Variants in PAXBP1 observed in about 807,000 individuals in gnomAD.
PAXBP1 encodes the protein PAX3 and PAX7 binding protein 1.
Under a neutral mutation model 119.9 loss-of-function variants are expected in PAXBP1, and 44 were observed. The observed-to-expected ratio is 0.37, with a 90% CI of 0.29 to 0.47. The LOEUF (loss-of-function observed/expected upper bound fraction) is 0.47. PAXBP1 is among the 20% of genes least tolerant of loss of function. The pLI, the probability that PAXBP1 is intolerant of heterozygous loss-of-function variation, is 0.99. For synonymous variants in PAXBP1, 393 were observed against 406.6 expected (o/e 0.97, Z 0.40); for missense variants, 898 against 1,134.1 (o/e 0.79, Z 2.99).
rs2044347917 is a variant in PAXBP1, at chr21:32,771,421, G to GCGCCGCCGGGGAAGC, written c.233_247dup (p.Gly78_Gly82dup). Reference sequence around the variant, plus strand: ...CGGCTTCAGCCCGTTGCCGGGCTCCGCGCCGCCGGGGAAGCCGCCCCCGGC... The same window carrying GCGCCGCCGGGGAAGC: ...CGGCTTCAGCCCGTTGCCGGGCTCCGCGCCGCCGGGGAAGCCGCCGCCGGGGAAGCCGCCCCCGGC... On this transcript the variant is annotated inframe_insertion, in exon 1 of 18. Transcript: ENST00000331923. The GCGCCGCCGGGGAAGC allele has an allele frequency of 1.3e-6, 2 of 1,539,598 alleles. No individual in the cohort carries two copies. The highest frequency in any genetic ancestry group is 1.4e-5 in the African/African-American group (1 of 70,072).
chr21:32,739,172 A>G (rs2043736373), intron 15 of PAXBP1, among the ~76,000 whole-genome samples: 1 of 152,252 alleles, frequency 6.6e-6, no homozygotes, highest in African/African-American at 2.4e-5. Flanking sequence ...CCCAAGAATG[A>G]TACATAGCTA....
chr21:32,744,904 T>C lies in PAXBP1; in HGVS notation c.2078A>G (p.Glu693Gly). Reference protein sequence around the residue: ...VILPKLTVIAENMWDPFSTTQ... With the variant: ...VILPKLTVIAGNMWDPFSTTQ... ...TGTAGAAAAAGGGTCCCACATATTT[T>C]CAGCTATCACTATTAAGAAAAAAAG... is the stretch of plus-strand genomic sequence containing the variant. Residue 693 changes from glutamate (E) to glycine (G), a missense_variant, in exon 13 of 18, where the codon GAA becomes GGA. Glu to Gly is a moderately conservative substitution (Grantham distance 98). Around this residue, in one of 2 missense-constraint regions of PAXBP1, gnomAD observed 599 missense variants for 852.7 expected, o/e 0.70. Coordinates refer to ENST00000331923, the MANE Select transcript of PAXBP1 (RefSeq NM_016631.4). 1 of 1,598,112 alleles carries C rather than the reference T, an allele frequency of 6.3e-7. No homozygotes were observed. Among genetic ancestry groups the C allele is most frequent in the South Asian group, 1.2e-5 (1 of 86,392 alleles).
chr21:32,749,180 G>T (rs1016814717), intron 10 of PAXBP1, among the ~76,000 whole-genome samples: 1 of 151,674 alleles, frequency 6.6e-6, no homozygotes, highest in East Asian at 1.9e-4. Flanking sequence ...TAAGTGAAAA[G>T]TTATTTGCGA....
chr21:32,743,244 G>A lies in PAXBP1; in HGVS notation c.2334+4C>T, dbSNP rs773136347. ...AGTCTTTTAGATAGTCTATGGACAC[G>A]TACCTTAACTGAAGACCAAAACTGT... On this transcript the variant is annotated splice_donor_region_variant and intron_variant, in intron 15 of 17. Transcript: ENST00000331923. 29 of 1,572,038 alleles carry A rather than the reference G, an allele frequency of 1.8e-5. No individual in the cohort carries two copies. Among genetic ancestry groups the A allele is most frequent in the African/African-American group, 2.8e-5 (2 of 72,448 alleles).
intron 15 of PAXBP1, chr21:32,743,029 C>T (rs767590123): frequency 1.2e-5 from 8 of 641,468 alleles, no homozygotes; most frequent in African/African-American, 3.6e-5. Flanking sequence ...TCGTTGAGTA[C>T]GATGGACCTT....
At chr21:32,770,482 ATAAAGAG>A (rs1455785707) in intron 1 of PAXBP1, among the ~76,000 whole-genome samples, 3 of 152,238 alleles carry the variant, frequency 2.0e-5, no homozygotes, top group Non-Finnish European at 4.4e-5. Context: ...CTCAAACCAA[ATAAAGAG>A]TAACAGAAAT....
chr21:32,748,804 C>A (rs923746493), intron 10 of PAXBP1, 106 bp from the exon 11 acceptor site: 5 of 945,460 alleles, frequency 5.3e-6, no homozygotes, highest in Admixed American at 3.0e-5. Context: ...TCAGAAGATA[C>A]GCTCATTAAC....
intron 13 of PAXBP1, among the ~76,000 whole-genome samples, chr21:32,744,267 A>G (rs1250302233): frequency 6.6e-6 from 1 of 151,612 alleles, no homozygotes; most frequent in African/African-American, 2.4e-5. Context: ...AGCTAAAAAA[A>G]AAAAAAAAAG....
chr21:32,748,443 A>G (rs2146484436), intron 11 of PAXBP1, 56 bp downstream of exon 11: 1 of 1,525,436 alleles, frequency 6.6e-7, no homozygotes, highest in Non-Finnish European at 8.9e-7. Flanking sequence ...CTTTGAGATT[A>G]AAATTACCCA....
chr21:32,738,061 G>T, intron 16 of PAXBP1, 112 bp downstream of exon 16: 1 of 1,098,674 alleles, frequency 9.1e-7, no homozygotes, highest in Non-Finnish European at 1.2e-6. Flanking sequence ...TTACATGCAA[G>T]TCCAGTAATC....
chr21:32,763,974 G>C lies in PAXBP1; in HGVS notation c.649+374C>G, dbSNP rs1348135679. Among the ~76,000 whole-genome samples the C allele has an allele frequency of 5.4e-5, 8 of 147,452 alleles. 1 individual carries two copies. The highest frequency in any genetic ancestry group is 1.0e-4 in the Non-Finnish European group (7 of 67,232). On this transcript the variant is annotated intron_variant, in intron 3 of 17. Transcript: ENST00000331923. The stretch of plus-strand genomic sequence containing the variant: ...TGCACTCCAGCCTGGGCAACAAAAG[G>C]GAAACTCCGCCTCAAAAAGCAAAAA...
rs146917009 is a variant in PAXBP1, at chr21:32,742,701, T to C, written c.2334+547A>G. 8.8e-5 allele frequency: 20 copies of C among 226,880 alleles called. No individual in the cohort carries two copies. The East Asian group carries it at 2.1e-3, about 24-fold the overall frequency. The allele number at this position is 226,880 out of a possible 1,614,324, so 14.1% of individuals were successfully genotyped here. A position where few individuals can be genotyped will look rare whatever the true frequency, so the allele number is the denominator to read the frequency against. ...GAGTATCTGCTACAGCAGTACTCCT[T>C]ATCTGTGGTTTCAGTCAGCTGTGGC... On this transcript the variant is annotated intron_variant, in intron 15 of 17. Transcript: ENST00000331923.
intron 13 of PAXBP1, among the ~76,000 whole-genome samples, chr21:32,744,299 G>A (rs918614986): frequency 7.9e-5 from 12 of 151,180 alleles, no homozygotes; most frequent in African/African-American, 2.2e-4. Context: ...GGAGGGGGGC[G>A]GGGTCTGTGC....
At chr21:32,735,719 G>A (rs2043683756) in intron 17 of PAXBP1, among the ~76,000 whole-genome samples, 1 of 152,180 alleles carries the variant, frequency 6.6e-6, no homozygotes, top group African/African-American at 2.4e-5. Flanking sequence ...GAACTTGCAA[G>A]TCTATCAGAC....
intron 16 of PAXBP1, among the ~76,000 whole-genome samples, chr21:32,737,764 T>C (rs1026587830): frequency 7.9e-5 from 12 of 152,100 alleles, no homozygotes; most frequent in Admixed American, 5.9e-4. Context: ...TAAAAATGAG[T>C]GGTATAAAAA....
chr21:32,763,831 C>A (rs1239958371), intron 3 of PAXBP1, among the ~76,000 whole-genome samples: 1 of 151,866 alleles, frequency 6.6e-6, no homozygotes, highest in Admixed American at 6.6e-5. Context: ...ACTAAAAATA[C>A]AAAAATCAGC....
rs1220626390 is a variant in PAXBP1 at position 32,771,362 on chromosome 21, G to C, written c.307C>G (p.Arg103Gly). ...TCCTGGAAGCTGAGCAGGCTGGCCC[G>C]GGGCACCTCTTTGTTCTCGCGAGGC... is the stretch of plus-strand genomic sequence containing the variant. ...KRPRENKEVP[R>G]ASLLSFQDEE... Residue 103 changes from arginine to glycine, a missense_variant, in exon 1 of 18, where the codon CGG (arginine) becomes GGG (glycine). Transcript: ENST00000331923. 1 of 1,585,126 alleles carries C rather than the reference G, an allele frequency of 6.3e-7. No individual in the cohort carries two copies.
intron 7 of PAXBP1, among the ~76,000 whole-genome samples, chr21:32,758,837 C>A (rs1458036805): frequency 1.3e-5 from 2 of 151,938 alleles, no homozygotes; most frequent in African/African-American, 2.4e-5. Context: ...TAAGACTTTC[C>A]AAAGTCTTAT....
In PAXBP1 at chr21:32,745,595, C is replaced by G; in HGVS notation, c.2047G>C (p.Val683Leu). Reference sequence around the variant, plus strand: ...TTACCTGTTAGTTTAGGAAGAATCACCTTTTCCACAATGGTAGGTAGTAGG... The same window carrying G: ...TTACCTGTTAGTTTAGGAAGAATCAGCTTTTCCACAATGGTAGGTAGTAGG... ...VALLPTIVEK[V>L]ILPKLTVIAE... Residue 683 changes from valine (V) to leucine (L), a missense_variant, in exon 12 of 18, where the codon GTG becomes CTG. By Grantham distance (32) the Val-to-Leu change is conservative. This residue lies in a region of PAXBP1 where 599 missense variants were observed against 852.7 expected (regional missense o/e 0.70). Coordinates refer to ENST00000331923, the MANE Select transcript of PAXBP1 (RefSeq NM_016631.4). 4 of 1,614,028 alleles carry G rather than the reference C, an allele frequency of 2.5e-6. No individual in the cohort carries two copies. The highest frequency in any genetic ancestry group is 3.4e-6 in the Non-Finnish European group (4 of 1,179,916).
Sources: gnomAD v4.1 joint callset for allele counts (sites outside exome capture counted in the v4.1 genomes callset) on GRCh38, gnomAD v4.1.1 for gene constraint, gnomAD v4.1.1 regional missense constraint, MANE v1.5 for transcripts, NCBI Gene and HGNC (gene_info 2026-07-23, HGNC 2026-07-21) for gene names.